LAMA3: variants seen among roughly 807,000 people sequenced by gnomAD.
The protein encoded by LAMA3 is laminin subunit alpha 3.
A neutral mutation model predicts 402.0 loss-of-function variants in LAMA3; 281 were observed. The ratio of observed to expected loss-of-function variants is 0.70; its 90% CI spans 0.63 to 0.77. The LOEUF (loss-of-function observed/expected upper bound fraction) is 0.77, where lower values mean the gene tolerates loss of function less well. LAMA3 is among the 30% of genes least tolerant of loss of function. LAMA3 has a pLI of 0.00. For missense variants in LAMA3, 3,840 were observed against 4,215.5 expected, an observed-to-expected ratio of 0.91 and a Z score of 2.47; for synonymous variants, 1,431 against 1,558.4, an observed-to-expected ratio of 0.92 and a Z score of 1.93.
At chr18:23,944,110 C>A in intron 69 of LAMA3, 139 bp downstream of exon 69, 1 of 815,860 alleles carries the variant, frequency 1.2e-6, no homozygotes, top group Non-Finnish European at 2.0e-6. Context: ...GCGCTGCGTT[C>A]CCAGCATCTC....
intron 29 of LAMA3, among the ~76,000 whole-genome samples, chr18:23,843,880 A>G (rs1182072274): frequency 6.6e-6 from 1 of 152,048 alleles, no homozygotes; most frequent in African/African-American, 2.4e-5. Flanking sequence ...AGGCTTTCTC[A>G]CACTGTCCCT....
At chr18:23,906,115 C>T (rs2081241371) in intron 52 of LAMA3, among the ~76,000 whole-genome samples, 1 of 152,150 alleles carries the variant, frequency 6.6e-6, no homozygotes, top group Non-Finnish European at 1.5e-5. Context: ...CATGTATCCA[C>T]CCAATATTCT....
chr18:23,857,561 C>T (rs1253361474), intron 32 of LAMA3, among the ~76,000 whole-genome samples: 2 of 152,248 alleles, frequency 1.3e-5, no homozygotes, highest in Non-Finnish European at 2.9e-5. Context: ...CGGGAGCCCT[C>T]CAGGCTCGGG....
At chr18:23,777,717 CCCTT>C (rs1235660280) in intron 11 of LAMA3, 98 bp downstream of exon 11, 22 of 931,680 alleles carry the variant, frequency 2.4e-5, no homozygotes, top group Non-Finnish European at 3.7e-5. Flanking sequence ...GGCCAAGTCT[CCCTT>C]CCTAGAGCAT....
At chr18:23,780,501 G>T (rs1170542480) in intron 11 of LAMA3, among the ~76,000 whole-genome samples, 1 of 152,030 alleles carries the variant, frequency 6.6e-6, no homozygotes, top group Non-Finnish European at 1.5e-5. Context: ...AGGAGAGAGG[G>T]GATGGCAGAC....
At chr18:23,770,304 A>C (rs911268264) in intron 8 of LAMA3, among the ~76,000 whole-genome samples, 1 of 152,304 alleles carries the variant, frequency 6.6e-6, no homozygotes, top group African/African-American at 2.4e-5. Flanking sequence ...AGTTACAGAC[A>C]GAAAATATTC....
chr18:23,689,649 C>A lies in LAMA3; in HGVS notation c.-35C>A. On this transcript the variant is annotated 5_prime_UTR_variant, in exon 1 of 75. Coordinates refer to ENST00000313654, the MANE Select transcript of LAMA3 (RefSeq NM_198129.4). ...GCGGCGGTGCCCCCGAGCCCCTCTG[C>A]GGACGGCTCAGGCGGGAGGACCCCG... The A allele has an allele frequency of 7.9e-7, 1 of 1,261,330 alleles. No homozygotes were observed. The highest frequency in any genetic ancestry group is 3.1e-5 in the South Asian group (1 of 32,426). 78.1% of individuals were successfully genotyped at this position (1,261,330 alleles called of 1,614,324 possible).
At chr18:23,925,919 C>T (rs987319429) in intron 62 of LAMA3, among the ~76,000 whole-genome samples, 4 of 152,228 alleles carry the variant, frequency 2.6e-5, no homozygotes, top group African/African-American at 9.6e-5. Context: ...CCTCACTAAC[C>T]TGTGTGACAC....
At chr18:23,778,241 T>C (rs1171495157) in intron 11 of LAMA3, among the ~76,000 whole-genome samples, 1 of 152,200 alleles carries the variant, frequency 6.6e-6, no homozygotes, top group African/African-American at 2.4e-5. Flanking sequence ...AAATCATTTG[T>C]TCCATAAATA....
At chr18:23,800,856 G>T (rs1199135472) in intron 12 of LAMA3, among the ~76,000 whole-genome samples, 1 of 151,988 alleles carries the variant, frequency 6.6e-6, no homozygotes, top group East Asian at 1.9e-4. Flanking sequence ...TAAGTGACAG[G>T]ATTTCATTCA....
intron 62 of LAMA3, among the ~76,000 whole-genome samples, chr18:23,927,121 G>C (rs2082024929): frequency 1.3e-5 from 2 of 152,204 alleles, no homozygotes; most frequent in Non-Finnish European, 2.9e-5. Flanking sequence ...TTCACGTCCA[G>C]GTGCCATGCA....
intron 38 of LAMA3, among the ~76,000 whole-genome samples, chr18:23,874,170 G>A (rs1382152166): frequency 1.3e-5 from 2 of 152,070 alleles, no homozygotes; most frequent in Non-Finnish European, 2.9e-5. Context: ...TTTTTCTCAG[G>A]CATGTTGTCA....
At chr18:23,766,991 C>T (rs921203104) in intron 8 of LAMA3, among the ~76,000 whole-genome samples, 1 of 152,128 alleles carries the variant, frequency 6.6e-6, no homozygotes, top group Non-Finnish European at 1.5e-5. Context: ...TTCCAGAAGG[C>T]TTCTGGAACT....
At chr18:23,885,258 G>A (rs1017715950) in intron 41 of LAMA3, among the ~76,000 whole-genome samples, 24 of 150,690 alleles carry the variant, frequency 1.6e-4, no homozygotes, top group Admixed American at 6.6e-4. Context: ...CTACTTACCT[G>A]TACACATGTA....
At chr18:23,878,063 G>A (rs113407139) in intron 39 of LAMA3, among the ~76,000 whole-genome samples, 292 of 152,208 alleles carry the variant, frequency 1.9e-3, no homozygotes, top group African/African-American at 6.5e-3. Flanking sequence ...CAATGATGGC[G>A]CCACTGCACT....
At chr18:23,806,947 T>C (rs944438993) in intron 12 of LAMA3, among the ~76,000 whole-genome samples, 4 of 152,232 alleles carry the variant, frequency 2.6e-5, no homozygotes, top group African/African-American at 9.6e-5. Flanking sequence ...TGCCCATTAG[T>C]TTGACGGAAA....
intron 6 of LAMA3, 137 bp from the exon 7 acceptor site, chr18:23,758,259 G>A: frequency 1.4e-6 from 1 of 716,146 alleles, no homozygotes; most frequent in Non-Finnish European, 2.6e-6. Flanking sequence ...CTTGCGAAGT[G>A]TTGTGTTCTC....
chr18:23,890,239 C>T, intron 42 of LAMA3, 122 bp downstream of exon 42: 1 of 732,088 alleles, frequency 1.4e-6, no homozygotes, highest in Non-Finnish European at 2.5e-6. Context: ...CAAGCTGTCC[C>T]CAGGATGCAT....
chr18:23,763,757 A>G (rs2062022336), intron 8 of LAMA3, among the ~76,000 whole-genome samples: 1 of 152,144 alleles, frequency 6.6e-6, no homozygotes, highest in South Asian at 2.1e-4. Flanking sequence ...CTCGATTTAA[A>G]TTTTGCCTAA....
Sources: gnomAD v4.1 joint callset for allele counts (sites outside exome capture counted in the v4.1 genomes callset) on GRCh38, gnomAD v4.1.1 for gene constraint, MANE v1.5 for transcripts, NCBI Gene and HGNC (gene_info 2026-07-23, HGNC 2026-07-21) for gene names.